Variants in SLC1A1 observed in about 807,000 individuals in gnomAD.
SLC1A1 encodes the protein excitatory amino acid transporter 3.
A neutral mutation model predicts 53.3 loss-of-function variants in SLC1A1; 43 were observed. The ratio of observed to expected loss-of-function variants is 0.81; its 90% confidence interval spans 0.63 to 1.04. The LOEUF is 1.04. SLC1A1 is among the 50% of genes least tolerant of loss of function. The pLI is 0.00. For missense variants in SLC1A1, 748 were observed against 664.9 expected, an observed-to-expected ratio of 1.12 and a Z score of -1.37; for synonymous variants, 307 against 243.2, an observed-to-expected ratio of 1.26 and a Z score of -2.44.
intron 1 of SLC1A1, among the ~76,000 whole-genome samples, chr9:4,522,932 G>A (rs963522377): frequency 1.3e-5 from 2 of 152,176 alleles, no homozygotes; most frequent in African/African-American, 2.4e-5. Flanking sequence ...CACCATCCTA[G>A]TACTGGCTGC....
chr9:4,582,145 T>G (rs1300362621), intron 10 of SLC1A1, among the ~76,000 whole-genome samples: 1 of 152,212 alleles, frequency 6.6e-6, no homozygotes, highest in Non-Finnish European at 1.5e-5. Context: ...GAACCCTTGT[T>G]TCCTTCAGAA....
At chr9:4,564,142 T>C (rs1489995588) in intron 3 of SLC1A1, among the ~76,000 whole-genome samples, 1 of 152,132 alleles carries the variant, frequency 6.6e-6, no homozygotes, top group Non-Finnish European at 1.5e-5. Context: ...CATGGAGTTC[T>C]TTCTGCTTAC....
chr9:4,583,084 G>C lies in SLC1A1; in HGVS notation c.1240G>C (p.Ala414Pro). The C allele has an allele frequency of 1.2e-6, 2 of 1,614,238 alleles. No homozygotes were observed. The highest frequency in any genetic ancestry group is 1.7e-6 in the Non-Finnish European group (2 of 1,180,046). ...CATCGGAGCTGCTGGCGTGCCCCAG[G>C]CTGGCCTGGTGACCATGGTGATTGT... ...ASIGAAGVPQ[A>P]GLVTMVIVLS... is the part of the protein sequence containing the mutation. The change falls in exon 11 of 12, where the codon GCT becomes CCT. Residue 414 changes from alanine (A) to proline (P), a missense_variant. By Grantham distance (27) the Ala-to-Pro change is conservative. Transcript: ENST00000262352. This position sits in a 1 kb window ranked among gnomAD's most constrained non-coding sequence, Gnocchi z 4.6.
intron 10 of SLC1A1, among the ~76,000 whole-genome samples, chr9:4,582,822 G>A (rs368573026): frequency 6.6e-6 from 1 of 152,106 alleles, no homozygotes; most frequent in Admixed American, 6.5e-5. Context: ...CGTCTGCAAG[G>A]AGATGGCATC....
intron 1 of SLC1A1, among the ~76,000 whole-genome samples, chr9:4,532,291 G>A (rs1816501841): frequency 6.6e-6 from 1 of 152,042 alleles, no homozygotes; most frequent in Non-Finnish European, 1.5e-5. Flanking sequence ...TCGAACCCAA[G>A]GCTAAGAAGT....
intron 2 of SLC1A1, among the ~76,000 whole-genome samples, chr9:4,558,430 G>C (rs961523082): frequency 1.3e-5 from 2 of 152,162 alleles, no homozygotes; most frequent in South Asian, 4.1e-4. Flanking sequence ...GTAGGATGGA[G>C]GTGGATTAGA....
chr9:4,490,866 C>T (rs978050604), intron 1 of SLC1A1, 96 bp downstream of exon 1: 10 of 1,045,046 alleles, frequency 9.6e-6, no homozygotes, highest in Non-Finnish European at 1.2e-5. Context: ...CTGGCGCACT[C>T]CATGCAGGGT....
chr9:4,549,841 G>C lies in SLC1A1; in HGVS notation c.232+5134G>C, dbSNP rs1281753805. On this transcript the variant is annotated intron_variant, in intron 2 of 11. Transcript: ENST00000262352. The surrounding 1 kb of genome is among the most constrained non-coding windows in gnomAD (Gnocchi z 4.1). ...CTTGTAGAACCTGGGAGTCTGTCCA[G>C]GTCAGGCTGGGCCAAGTCCATGCCA... Among the ~76,000 whole-genome samples, 1 of 152,176 alleles carries C rather than the reference G, an allele frequency of 6.6e-6. No individual in the cohort carries two copies. Among genetic ancestry groups the C allele is most frequent in the South Asian group, 2.1e-4 (1 of 4,834 alleles).
At position 4,582,813 on chromosome 9, in the gene SLC1A1, G is replaced by A. The variant is rs79930024; in HGVS notation, c.1194-225G>A. ...CATTAGAGTGATGTGCCATATCTCC[G>A]TCTGCAAGGAGATGGCATCATACCC... is the stretch of plus-strand genomic sequence containing the variant. On this transcript the variant is annotated intron_variant, in intron 10 of 11. Transcript: ENST00000262352. Among the ~76,000 whole-genome samples, 757 of 152,144 alleles carry A rather than the reference G, an allele frequency of 5.0e-3. 9 individuals are homozygous for A. The highest frequency in any genetic ancestry group is 0.018 in the African/African-American group (740 of 41,490).
At chr9:4,502,376 G>A (rs1487114472) in intron 1 of SLC1A1, among the ~76,000 whole-genome samples, 2 of 98,314 alleles carry the variant, frequency 2.0e-5, no homozygotes, top group Non-Finnish European at 3.6e-5. Flanking sequence ...GATAGAATGA[G>A]ACCCTGTCTC....
intron 10 of SLC1A1, among the ~76,000 whole-genome samples, chr9:4,580,773 G>C (rs1020187931): frequency 2.0e-5 from 3 of 152,032 alleles, no homozygotes; most frequent in African/African-American, 7.2e-5. Context: ...TGTTTTGGTT[G>C]CTGCAGTAGC....
intron 1 of SLC1A1, among the ~76,000 whole-genome samples, chr9:4,520,864 A>C (rs1816045208): frequency 6.6e-6 from 1 of 152,198 alleles, no homozygotes. Flanking sequence ...AGGCTGCAAC[A>C]TTTTACATTC....
chr9:4,493,485 G>A (rs954832244), intron 1 of SLC1A1, among the ~76,000 whole-genome samples: 3 of 152,164 alleles, frequency 2.0e-5, no homozygotes, highest in African/African-American at 7.2e-5. Context: ...CAGAAAAATC[G>A]CAAGAGCTCT....
rs142540523 is a variant in SLC1A1 at position 4,544,654 on chromosome 9, T to G, written c.179T>G (p.Met60Arg). ...TTTGCTTTTCCTGGAGAAATTCTAA[T>G]GCGGATGCTGAAACTCATCATTTTG... ...FYFAFPGEILMRMLKLIILPL... is the reference protein window; with the variant it reads ...FYFAFPGEILRRMLKLIILPL... Residue 60 changes from methionine to arginine, a missense_variant, in exon 2 of 12, where the codon ATG becomes AGG. Transcript: ENST00000262352. The G allele has an allele frequency of 7.4e-6, 12 of 1,613,700 alleles. No individual in the cohort carries two copies. Among genetic ancestry groups the G allele is most frequent in the Non-Finnish European group, 8.5e-6 (10 of 1,179,706 alleles).
intron 8 of SLC1A1, among the ~76,000 whole-genome samples, 166 bp from the exon 9 acceptor site, chr9:4,575,835 C>T (rs1011438676): frequency 1.3e-5 from 2 of 152,142 alleles, no homozygotes; most frequent in Admixed American, 1.3e-4. Context: ...AGCCTCTAAA[C>T]CCTCATACAT....
At chr9:4,536,841 C>T (rs1158422947) in intron 1 of SLC1A1, among the ~76,000 whole-genome samples, 9 of 152,114 alleles carry the variant, frequency 5.9e-5, no homozygotes, top group East Asian at 1.9e-4. Context: ...GGCACATATA[C>T]ACCATGGAAT....
chr9:4,531,052 T>G (rs1816448619), intron 1 of SLC1A1, among the ~76,000 whole-genome samples: 1 of 152,172 alleles, frequency 6.6e-6, no homozygotes, highest in Non-Finnish European at 1.5e-5. Flanking sequence ...TTACTCAGTG[T>G]TTTTAAAAGA....
intron 4 of SLC1A1, among the ~76,000 whole-genome samples, chr9:4,565,069 A>T (rs1255281311): frequency 6.6e-6 from 1 of 152,246 alleles, no homozygotes; most frequent in African/African-American, 2.4e-5. Flanking sequence ...CAGAGCACCA[A>T]AACTTTTAGA....
chr9:4,567,666 C>G lies in SLC1A1; in HGVS notation c.484-3C>G. On this transcript the variant is annotated splice_polypyrimidine_tract_variant and splice_region_variant and intron_variant, in intron 5 of 11. Transcript: ENST00000262352. Reference sequence around the variant, plus strand: ...CTTGTCCTTGATTTTCTCCAACATGCAGTACAAAACTAAGCGTGAAGAAGT... The same window carrying G: ...CTTGTCCTTGATTTTCTCCAACATGGAGTACAAAACTAAGCGTGAAGAAGT... The G allele has an allele frequency of 6.3e-7, 1 of 1,593,192 alleles. No homozygotes were observed. Among genetic ancestry groups the G allele is most frequent in the Non-Finnish European group, 8.6e-7 (1 of 1,161,488 alleles).
Sources: allele counts gnomAD v4.1 joint callset (sites outside exome capture counted in the v4.1 genomes callset), GRCh38; gene constraint gnomAD v4.1.1; non-coding constraint Gnocchi (gnomAD v3.1); transcripts MANE v1.5; gene names NCBI Gene and HGNC (gene_info 2026-07-23, HGNC 2026-07-21).